PACRG: variants seen among roughly 807,000 people sequenced by gnomAD.
PACRG encodes parkin coregulated.
Under a neutral mutation model 29.7 loss-of-function variants are expected in PACRG, and 29 were observed. The observed-to-expected ratio is 0.98, with a 90% CI of 0.73 to 1.33. PACRG has a LOEUF of 1.33. PACRG is among the 40% of genes most tolerant of loss of function. The pLI, the probability that PACRG is intolerant of heterozygous loss-of-function variation, is 0.00. For missense variants in PACRG, 279 were observed against 316.2 expected, an observed-to-expected ratio of 0.88 and a Z score of 0.89; for synonymous variants, 116 against 118.7, an observed-to-expected ratio of 0.98 and a Z score of 0.15.
intron 2 of PACRG, among the ~76,000 whole-genome samples, chr6:163,021,054 G>C (rs1404271491): frequency 6.6e-6 from 1 of 152,144 alleles, no homozygotes; most frequent in East Asian, 1.9e-4. Context: ...GAGCCCAGTG[G>C]ATGGGCCTTG....
intron 2 of PACRG, among the ~76,000 whole-genome samples, chr6:162,832,499 C>A (rs9458650): frequency 0.27 from 41,726 of 151,952 alleles, 7,759 homozygotes; most frequent in African/African-American, 0.51. Flanking sequence ...AAATAAAATT[C>A]TTGCTATATT....
At chr6:162,785,168 CAGAGAGAGAGAGAG>C (rs71008111) in intron 1 of PACRG, among the ~76,000 whole-genome samples, 34 of 138,016 alleles carry the variant, frequency 2.5e-4, no homozygotes, top group Non-Finnish European at 3.0e-4. Context: ...ATGAGGGAGG[CAGAGAGAGAGAGAG>C]AGAGAGAGAG....
At chr6:163,064,331 A>C (rs1205248524) in intron 3 of PACRG, among the ~76,000 whole-genome samples, 2 of 152,190 alleles carry the variant, frequency 1.3e-5, no homozygotes, top group African/African-American at 2.4e-5. Context: ...CATGTGACTA[A>C]ATTTACAGTA....
At chr6:162,941,922 A>G (rs1421042484) in intron 2 of PACRG, among the ~76,000 whole-genome samples, 1 of 152,164 alleles carries the variant, frequency 6.6e-6, no homozygotes, top group Non-Finnish European at 1.5e-5. Flanking sequence ...TGCTCTACCC[A>G]GCTGTAAAAA....
chr6:163,104,901 C>T (rs1815297415), intron 4 of PACRG, among the ~76,000 whole-genome samples: 1 of 152,130 alleles, frequency 6.6e-6, no homozygotes, highest in African/African-American at 2.4e-5. Flanking sequence ...GTATATTATA[C>T]AGAGAAGAGT....
At chr6:163,015,359 G>C (rs1805996432) in intron 2 of PACRG, among the ~76,000 whole-genome samples, 1 of 152,118 alleles carries the variant, frequency 6.6e-6, no homozygotes, top group Admixed American at 6.6e-5. Flanking sequence ...ATGAATTTTA[G>C]AATGGTTTTG....
At chr6:163,126,628 C>T (rs980234425) in intron 4 of PACRG, among the ~76,000 whole-genome samples, 7 of 152,032 alleles carry the variant, frequency 4.6e-5, no homozygotes, top group African/African-American at 1.2e-4. Flanking sequence ...AAAGCAATGG[C>T]GAAAGAATCT....
intron 4 of PACRG, among the ~76,000 whole-genome samples, chr6:163,297,389 G>A (rs1419628243): frequency 2.0e-5 from 3 of 152,176 alleles, no homozygotes; most frequent in Non-Finnish European, 4.4e-5. Flanking sequence ...AAGATAAATA[G>A]CAGACTTCAG....
At chr6:162,776,634 G>T (rs751109773) in intron 1 of PACRG, among the ~76,000 whole-genome samples, 8 of 152,208 alleles carry the variant, frequency 5.3e-5, no homozygotes, top group Non-Finnish European at 7.3e-5. Context: ...CTGCTAGCAG[G>T]TGGCTGATAC....
chr6:162,882,805 G>GTGAATTATTTCCATTGTGCTCA (rs1325664057), intron 2 of PACRG, among the ~76,000 whole-genome samples: 2 of 152,132 alleles, frequency 1.3e-5, no homozygotes, highest in Non-Finnish European at 2.9e-5. Flanking sequence ...TCTGACCTTC[G>GTGAATTATTTCCATTGTGCTCA]TGAATTATTT....
intron 4 of PACRG, among the ~76,000 whole-genome samples, chr6:163,288,223 G>C (rs1458881148): frequency 6.6e-6 from 1 of 152,200 alleles, no homozygotes; most frequent in Non-Finnish European, 1.5e-5. Context: ...TTCACCTTCA[G>C]AGTTATCTTG....
At chr6:163,115,867 G>A (rs771044546) in intron 4 of PACRG, among the ~76,000 whole-genome samples, 4 of 152,080 alleles carry the variant, frequency 2.6e-5, no homozygotes, top group South Asian at 4.1e-4. Flanking sequence ...TAGTAATTAC[G>A]TCATGGCCCT....
intron 2 of PACRG, among the ~76,000 whole-genome samples, chr6:162,879,159 G>A (rs1793619724): frequency 6.6e-6 from 1 of 152,016 alleles, no homozygotes; most frequent in Admixed American, 6.5e-5. Flanking sequence ...ACAATATCAA[G>A]CTTCATGTAA....
intron 4 of PACRG, among the ~76,000 whole-genome samples, chr6:163,210,785 G>A (rs537054151): frequency 6.6e-6 from 1 of 152,288 alleles, no homozygotes; most frequent in South Asian, 2.1e-4. Context: ...TCAGTTCAAT[G>A]GAAGATATAG....
At chr6:162,998,012 TGGCTTTAGTTTTCTCA>T (rs1438030062) in intron 2 of PACRG, among the ~76,000 whole-genome samples, 9 of 152,202 alleles carry the variant, frequency 5.9e-5, no homozygotes, top group Non-Finnish European at 1.2e-4. Flanking sequence ...TTAGCCTCTC[TGGCTTTAGTTTTCTCA>T]GGAGTTAGAT....
intron 2 of PACRG, among the ~76,000 whole-genome samples, chr6:162,935,623 G>C (rs1437864743): frequency 6.6e-6 from 1 of 151,144 alleles, no homozygotes; most frequent in Non-Finnish European, 1.5e-5. Flanking sequence ...TATTTCTTCT[G>C]TAACCTGTTG....
chr6:163,067,944 A>T (rs1811699353), intron 3 of PACRG, among the ~76,000 whole-genome samples: 1 of 152,224 alleles, frequency 6.6e-6, no homozygotes, highest in South Asian at 2.1e-4. Context: ...TTCAAGTATT[A>T]CAAGATCTGT....
intron 2 of PACRG, among the ~76,000 whole-genome samples, chr6:162,956,884 G>A (rs1305308747): frequency 1.3e-5 from 2 of 152,286 alleles, no homozygotes; most frequent in African/African-American, 2.4e-5. Flanking sequence ...GAGGGACACA[G>A]TGTAACCTAT....
chr6:163,157,081 T>C (rs1299626709), intron 4 of PACRG, among the ~76,000 whole-genome samples: 1 of 152,208 alleles, frequency 6.6e-6, no homozygotes, highest in Non-Finnish European at 1.5e-5. Context: ...ATATTCTGCC[T>C]ACCACACAGT....
Sources: allele counts gnomAD v4.1 joint callset (sites outside exome capture counted in the v4.1 genomes callset), GRCh38; gene constraint gnomAD v4.1.1; transcripts MANE v1.5; gene names NCBI Gene and HGNC (gene_info 2026-07-23, HGNC 2026-07-21).